Variants in DLG2 observed in about 807,000 individuals in gnomAD.
DLG2 encodes disks large homolog 2.
In DLG2, 45 loss-of-function variants were observed where a neutral mutation model predicts 132.5. The ratio of observed to expected loss-of-function variants is 0.34; its 90% CI spans 0.27 to 0.44. DLG2 has a LOEUF of 0.44. DLG2 is among the 20% of genes least tolerant of loss of function. The pLI, the probability that DLG2 is intolerant of heterozygous loss-of-function variation, is 1.00. For missense variants in DLG2, 1,045 were observed against 1,196.9 expected, an observed-to-expected ratio of 0.87 and a Z score of 1.87; for synonymous variants, 424 against 419.6, an observed-to-expected ratio of 1.01 and a Z score of -0.13.
chr11:84,619,467 A>C (rs1055532100), intron 6 of DLG2, among the ~76,000 whole-genome samples: 1 of 151,714 alleles, frequency 6.6e-6, no homozygotes, highest in Non-Finnish European at 1.5e-5. Context: ...TAAAGCCCCA[A>C]AAGTAGAGTT....
chr11:84,936,802 T>C (rs1183556698), intron 6 of DLG2: 4 of 152,222 alleles, frequency 2.6e-5, no homozygotes, highest in Non-Finnish European at 5.9e-5. Flanking sequence ...GGAGTTGCTA[T>C]GTTATAAAGA....
chr11:85,587,213 C>T (rs1283474821), intron 3 of DLG2, among the ~76,000 whole-genome samples: 1 of 151,986 alleles, frequency 6.6e-6, no homozygotes, highest in Non-Finnish European at 1.5e-5. Flanking sequence ...TTTGTTAAGT[C>T]CATTTGTTCT....
intron 6 of DLG2, among the ~76,000 whole-genome samples, chr11:84,713,247 G>T (rs963214733): frequency 4.6e-5 from 7 of 152,058 alleles, no homozygotes; most frequent in Non-Finnish European, 7.4e-5. Context: ...TTTTGGCTCT[G>T]CTATTTAAGA....
intron 7 of DLG2, among the ~76,000 whole-genome samples, chr11:84,458,607 T>C (rs1211371146): frequency 6.6e-6 from 1 of 150,812 alleles, no homozygotes; most frequent in Admixed American, 6.6e-5. Flanking sequence ...AAGAGCTCTT[T>C]AGAGTTTAAA....
At chr11:84,265,083 G>A (rs1202769968) in intron 7 of DLG2, among the ~76,000 whole-genome samples, 3 of 152,028 alleles carry the variant, frequency 2.0e-5, no homozygotes, top group Non-Finnish European at 2.9e-5. Flanking sequence ...CTTCTGCAAT[G>A]GTCTTAGCTA....
chr11:84,457,794 G>A lies in DLG2; in HGVS notation c.519+76776C>T, dbSNP rs146177588. Among the ~76,000 whole-genome samples, 6 of 150,822 alleles carry A rather than the reference G, an allele frequency of 4.0e-5. No homozygotes were observed. In the East Asian group the frequency reaches 7.8e-4, roughly 20 times the overall value. The stretch of plus-strand genomic sequence containing the variant: ...CAAAGTTATATTTATAATTAAATTC[G>A]TGCAAAATTGATTAAATACAACAAA... On this transcript the variant is annotated intron_variant, in intron 7 of 27. Transcript: ENST00000376104.
chr11:85,513,086 CAGAA>C (rs2094109271), intron 3 of DLG2, among the ~76,000 whole-genome samples: 1 of 151,840 alleles, frequency 6.6e-6, no homozygotes, highest in African/African-American at 2.4e-5. Flanking sequence ...TGAATTAACA[CAGAA>C]AGAGAAAACA....
At chr11:85,206,670 T>G (rs1308183759) in intron 4 of DLG2, among the ~76,000 whole-genome samples, 1 of 152,148 alleles carries the variant, frequency 6.6e-6, no homozygotes, top group Non-Finnish European at 1.5e-5. Context: ...TTCTTACTGG[T>G]TAGAAAGTGC....
chr11:85,344,365 C>T (rs1237210280), intron 3 of DLG2, among the ~76,000 whole-genome samples: 1 of 152,074 alleles, frequency 6.6e-6, no homozygotes, highest in Non-Finnish European at 1.5e-5. Flanking sequence ...AAACTCGAGG[C>T]TTAGTTTTGT....
At chr11:84,239,365 G>A (rs1268206319) in intron 8 of DLG2, among the ~76,000 whole-genome samples, 1 of 152,012 alleles carries the variant, frequency 6.6e-6, no homozygotes, top group African/African-American at 2.4e-5. Context: ...ATTTTTACCA[G>A]AGACAGGGTT....
chr11:84,140,776 T>C (rs1390350497), intron 9 of DLG2, among the ~76,000 whole-genome samples: 1 of 152,138 alleles, frequency 6.6e-6, no homozygotes, highest in African/African-American at 2.4e-5. Flanking sequence ...TTATCTGGCT[T>C]AGTTTTCCTT....
chr11:84,865,524 T>C (rs774979910), intron 6 of DLG2, among the ~76,000 whole-genome samples: 5 of 152,148 alleles, frequency 3.3e-5, no homozygotes, highest in Non-Finnish European at 7.4e-5. Flanking sequence ...GGACACTAAA[T>C]TTATGAGAGA....
chr11:85,423,090 A>G (rs1032181393), intron 3 of DLG2, among the ~76,000 whole-genome samples: 1 of 152,124 alleles, frequency 6.6e-6, no homozygotes, highest in Non-Finnish European at 1.5e-5. Context: ...GGGAAGGTCT[A>G]GGGCTGAAGG....
In DLG2 at chr11:83,765,902, G is replaced by A. The variant is rs369441067; in HGVS notation, c.1825+20788C>T. ...GTGTATGTTTGTCTGGAATGTAGATGTAGATAATAAATAAAAAGTAGATTC... is the reference window on the plus strand; with the variant it reads ...GTGTATGTTTGTCTGGAATGTAGATATAGATAATAAATAAAAAGTAGATTC... On this transcript the variant is annotated intron_variant, in intron 18 of 27. Coordinates refer to ENST00000376104, the MANE Select transcript of DLG2 (RefSeq NM_001142699.3). Among the ~76,000 whole-genome samples, 197 of 152,298 alleles carry A rather than the reference G, an allele frequency of 1.3e-3. 1 individual carries two copies. Among genetic ancestry groups the A allele is most frequent in the African/African-American group, 4.7e-3 (195 of 41,564 alleles).
chr11:85,118,169 G>A (rs2073894663), intron 5 of DLG2, among the ~76,000 whole-genome samples: 1 of 151,926 alleles, frequency 6.6e-6, no homozygotes, highest in Admixed American at 6.6e-5. Flanking sequence ...AAATAAGTTG[G>A]CCTAATTTGT....
chr11:84,821,026 A>G (rs114360158), intron 6 of DLG2, among the ~76,000 whole-genome samples: 10,648 of 151,964 alleles, frequency 0.07, 441 homozygotes, highest in Non-Finnish European at 0.1. Context: ...ATTATAATAG[A>G]ATGAATGAAT....
At chr11:83,508,419 T>A (rs1182756993) in intron 21 of DLG2, among the ~76,000 whole-genome samples, 1 of 140,352 alleles carries the variant, frequency 7.1e-6, no homozygotes, top group Non-Finnish European at 1.5e-5. Context: ...TTTTTTTTTT[T>A]TTTTTTAGTA....
chr11:83,852,753 G>T (rs1313349970), intron 16 of DLG2, among the ~76,000 whole-genome samples: 1 of 152,046 alleles, frequency 6.6e-6, no homozygotes, highest in South Asian at 2.1e-4. Flanking sequence ...CTAATTCTAG[G>T]GGAGGCTTTA....
At chr11:84,912,503 G>A (rs1376873911) in intron 6 of DLG2, among the ~76,000 whole-genome samples, 8 of 152,164 alleles carry the variant, frequency 5.3e-5, no homozygotes, top group Non-Finnish European at 8.8e-5. Context: ...GCATATATCT[G>A]GGGCTTTTTT....
Sources: gnomAD v4.1 joint callset for allele counts (sites outside exome capture counted in the v4.1 genomes callset) on GRCh38, gnomAD v4.1.1 for gene constraint, MANE v1.5 for transcripts, NCBI Gene and HGNC (gene_info 2026-07-23, HGNC 2026-07-21) for gene names.